LDLRAD4: variants seen among roughly 807,000 people sequenced by gnomAD.
The protein encoded by LDLRAD4 is low-density lipoprotein receptor class A domain-containing protein 4.
A neutral mutation model predicts 17.0 loss-of-function variants in LDLRAD4; 5 were observed. That is an observed-to-expected ratio of 0.29 (90% CI 0.15 to 0.62). The LOEUF (loss-of-function observed/expected upper bound fraction) is 0.62. LDLRAD4 is among the 20% of genes least tolerant of loss of function. The pLI, the probability that LDLRAD4 is intolerant of heterozygous loss-of-function variation, is 0.84. For missense variants in LDLRAD4, 340 were observed against 424.7 expected, an observed-to-expected ratio of 0.80 and a Z score of 1.75; for synonymous variants, 168 against 171.8, an observed-to-expected ratio of 0.98 and a Z score of 0.17.
intron 2 of LDLRAD4, among the ~76,000 whole-genome samples, chr18:13,422,347 C>T (rs2089550315): frequency 6.6e-6 from 1 of 152,134 alleles, no homozygotes; most frequent in Admixed American, 6.5e-5. Flanking sequence ...CTAAATAAGG[C>T]TTAGTCATTG....
chr18:13,599,392 A>G (rs968109992), intron 3 of LDLRAD4, among the ~76,000 whole-genome samples: 4 of 152,114 alleles, frequency 2.6e-5, no homozygotes, highest in Non-Finnish European at 4.4e-5. Context: ...GAGACTCAAA[A>G]TGGTTACTCT....
intron 2 of LDLRAD4, among the ~76,000 whole-genome samples, chr18:13,424,484 A>G (rs1202662913): frequency 2.0e-5 from 3 of 152,190 alleles, no homozygotes; most frequent in African/African-American, 4.8e-5. Context: ...TGAAGCAACT[A>G]TTAGCCACCT....
At chr18:13,536,293 C>A (rs192692846) in intron 3 of LDLRAD4, among the ~76,000 whole-genome samples, 1 of 152,208 alleles carries the variant, frequency 6.6e-6, no homozygotes, top group African/African-American at 2.4e-5. Context: ...TCTCCATACA[C>A]TAAGGTCTTT....
chr18:13,488,776 G>A (rs746848026), intron 3 of LDLRAD4: 10 of 152,176 alleles, frequency 6.6e-5, no homozygotes, highest in African/African-American at 2.2e-4. Context: ...TGGAGAAATC[G>A]ACTCCCCAGA....
intron 1 of LDLRAD4, among the ~76,000 whole-genome samples, chr18:13,227,345 C>T (rs765647326): frequency 8.5e-5 from 13 of 152,292 alleles, no homozygotes; most frequent in Non-Finnish European, 1.6e-4. Context: ...GGGTGCTTAC[C>T]GTGCTGGAGG....
At chr18:13,246,885 G>A (rs1186275275) in intron 1 of LDLRAD4, among the ~76,000 whole-genome samples, 1 of 151,602 alleles carries the variant, frequency 6.6e-6, no homozygotes, top group Non-Finnish European at 1.5e-5. Context: ...GGAGATCTTT[G>A]TAAACTAGGT....
At chr18:13,280,108 A>T (rs1167197917) in intron 1 of LDLRAD4, 3 of 152,140 alleles carry the variant, frequency 2.0e-5, no homozygotes, top group Non-Finnish European at 4.4e-5. Context: ...ATTTATTTGG[A>T]CTTGGTTTTA....
chr18:13,432,192 T>C (rs2090389753), intron 2 of LDLRAD4, among the ~76,000 whole-genome samples: 1 of 152,230 alleles, frequency 6.6e-6, no homozygotes. Flanking sequence ...TCAGTTCCCA[T>C]GCTGTCAAAA....
intron 2 of LDLRAD4, among the ~76,000 whole-genome samples, chr18:13,433,937 TC>T: frequency 6.6e-6 from 1 of 152,334 alleles, no homozygotes; most frequent in South Asian, 2.1e-4. Flanking sequence ...TTCCTCTCGA[TC>T]CGATGGAAAT....
intron 4 of LDLRAD4, among the ~76,000 whole-genome samples, chr18:13,638,353 C>T (rs1418424157): frequency 6.6e-6 from 1 of 152,246 alleles, no homozygotes; most frequent in Admixed American, 6.5e-5. Context: ...CTACCTACCT[C>T]AGAGACTTCT....
intron 1 of LDLRAD4, among the ~76,000 whole-genome samples, chr18:13,348,296 G>A (rs1411267916): frequency 6.6e-6 from 1 of 152,152 alleles, no homozygotes; most frequent in African/African-American, 2.4e-5. Context: ...TAATAGTCAG[G>A]ACCCTCAGCT....
At position 13,606,871 on chromosome 18, in the gene LDLRAD4, T is replaced by A. The variant is rs2095229887; in HGVS notation, c.182-14246T>A. ...ATTTGTAATGGGCAGAGCCATCGAT[T>A]CTTAACAAGAGCTGCATTAACAGGC... is the stretch of plus-strand genomic sequence containing the variant. On this transcript the variant is annotated intron_variant, in intron 3 of 5. Transcript: ENST00000359446. 3.3e-5 allele frequency among the ~76,000 whole-genome samples: 5 copies of A among 152,242 alleles called. No individual in the cohort carries two copies. The South Asian group carries it at 1.0e-3, about 32-fold the overall frequency.
chr18:13,631,920 C>G (rs2041699352), intron 4 of LDLRAD4, among the ~76,000 whole-genome samples: 1 of 152,092 alleles, frequency 6.6e-6, no homozygotes, highest in African/African-American at 2.4e-5. Flanking sequence ...GAGCGAGACT[C>G]TGTCTCAAAA....
chr18:13,387,184 G>A (rs2085904447), intron 1 of LDLRAD4, among the ~76,000 whole-genome samples, 157 bp from the exon 3 acceptor site: 1 of 152,206 alleles, frequency 6.6e-6, no homozygotes, highest in African/African-American at 2.4e-5. Flanking sequence ...CTTGGGGGCA[G>A]GTGGATCTCC....
At chr18:13,247,807 C>T (rs182139465) in intron 1 of LDLRAD4, among the ~76,000 whole-genome samples, 12 of 152,204 alleles carry the variant, frequency 7.9e-5, no homozygotes, top group Admixed American at 3.3e-4. Flanking sequence ...GAGCTTTCCC[C>T]GATTTCTGCC....
intron 1 of LDLRAD4, among the ~76,000 whole-genome samples, chr18:13,297,513 G>C (rs1368057474): frequency 6.6e-6 from 1 of 152,202 alleles, no homozygotes; most frequent in African/African-American, 2.4e-5. Flanking sequence ...TTTAATGTTG[G>C]GCCCAGTGCA....
chr18:13,403,371 G>A (rs1168138542), intron 2 of LDLRAD4, among the ~76,000 whole-genome samples: 1 of 152,080 alleles, frequency 6.6e-6, no homozygotes, highest in Non-Finnish European at 1.5e-5. Context: ...AAAATATATC[G>A]GCCTGGTGCA....
chr18:13,612,753 A>G, intron 3 of LDLRAD4: 1 of 1,614,046 alleles, frequency 6.2e-7, no homozygotes, highest in East Asian at 2.2e-5. Flanking sequence ...GGCTCAGTTC[A>G]AAGACCTGTT....
intron 3 of LDLRAD4, among the ~76,000 whole-genome samples, chr18:13,568,404 C>G (rs985519348): frequency 5.3e-5 from 8 of 152,296 alleles, no homozygotes; most frequent in African/African-American, 1.7e-4. Flanking sequence ...CCCACTCTCC[C>G]AGCACTTAGT....
Sources: allele counts gnomAD v4.1 joint callset (sites outside exome capture counted in the v4.1 genomes callset), GRCh38; gene constraint gnomAD v4.1.1; transcripts MANE v1.5; gene names NCBI Gene and HGNC (gene_info 2026-07-23, HGNC 2026-07-21).